SCAPER: variants seen among roughly 807,000 people sequenced by gnomAD.
SCAPER encodes the protein S phase cyclin A-associated protein in the endoplasmic reticulum.
Under a neutral mutation model 182.2 loss-of-function variants are expected in SCAPER, and 98 were observed. The observed-to-expected ratio is 0.54, with a 90% confidence interval of 0.46 to 0.64. The LOEUF (loss-of-function observed/expected upper bound fraction) is 0.64. SCAPER is among the 30% of genes least tolerant of loss of function. The pLI is 0.00. For synonymous variants in SCAPER, 605 were observed against 564.6 expected, an observed-to-expected ratio of 1.07 and a Z score of -1.01; for missense variants, 1,432 against 1,690.0, an observed-to-expected ratio of 0.85 and a Z score of 2.68.
intron 23 of SCAPER, among the ~76,000 whole-genome samples, chr15:76,528,025 C>T (rs1158404420): frequency 1.3e-5 from 2 of 152,064 alleles, no homozygotes; most frequent in Non-Finnish European, 2.9e-5. Flanking sequence ...CTCTTTTTGC[C>T]TTTAAATCAG....
At chr15:76,739,975 T>C (rs982167925) in intron 15 of SCAPER, among the ~76,000 whole-genome samples, 1 of 152,198 alleles carries the variant, frequency 6.6e-6, no homozygotes, top group Admixed American at 6.5e-5. Flanking sequence ...GAGACCAGCC[T>C]GGGCAACATA....
chr15:76,352,486 CT>C (rs3033117), intron 30 of SCAPER, among the ~76,000 whole-genome samples: 107,440 of 137,900 alleles, frequency 0.78, 41,708 homozygotes, highest in East Asian at 0.99. Flanking sequence ...TTTGTATTTT[CT>C]TTTTTTTTTT....
chr15:76,667,451 T>C (rs1303272947), intron 20 of SCAPER, among the ~76,000 whole-genome samples: 1 of 151,940 alleles, frequency 6.6e-6, no homozygotes, highest in African/African-American at 2.4e-5. Context: ...GAAGTATTAC[T>C]CATACATAGA....
At chr15:76,466,708 G>A (rs555500358) in intron 25 of SCAPER, among the ~76,000 whole-genome samples, 33 of 150,524 alleles carry the variant, frequency 2.2e-4, no homozygotes, top group African/African-American at 6.1e-4. Context: ...GGCTTTTGTA[G>A]TATGGAAAAC....
chr15:76,725,682 A>C (rs985752174), intron 17 of SCAPER, among the ~76,000 whole-genome samples: 1 of 152,070 alleles, frequency 6.6e-6, no homozygotes, highest in African/African-American at 2.4e-5. Flanking sequence ...TGAGCCAAGA[A>C]ATACAGCCAT....
chr15:76,463,048 A>G (rs1029849393), intron 25 of SCAPER, among the ~76,000 whole-genome samples: 4 of 151,986 alleles, frequency 2.6e-5, no homozygotes, highest in Admixed American at 1.3e-4. Context: ...TACTATGAAG[A>G]CCTCCTCTCC....
chr15:76,419,691 G>T (rs2045895826), intron 26 of SCAPER, among the ~76,000 whole-genome samples: 1 of 152,020 alleles, frequency 6.6e-6, no homozygotes, highest in South Asian at 2.1e-4. Flanking sequence ...TTGCACTCCA[G>T]CCTGGGCAAC....
intron 15 of SCAPER, among the ~76,000 whole-genome samples, chr15:76,744,927 A>T (rs2061717754): frequency 6.6e-6 from 1 of 152,220 alleles, no homozygotes; most frequent in South Asian, 2.1e-4. Flanking sequence ...ATTAAAAAAA[A>T]TGTGGTACAT....
chr15:76,889,951 A>G (rs1386089255), intron 1 of SCAPER, among the ~76,000 whole-genome samples: 1 of 152,152 alleles, frequency 6.6e-6, no homozygotes, highest in South Asian at 2.1e-4. Flanking sequence ...TGTAAAAGAA[A>G]AGAAATCACA....
At chr15:76,637,544 A>T (rs941570516) in intron 21 of SCAPER, among the ~76,000 whole-genome samples, 15 of 149,502 alleles carry the variant, frequency 1.0e-4, no homozygotes, top group East Asian at 5.9e-4. Flanking sequence ...TACACACAAA[A>T]TTTTTTTTTT....
At chr15:76,479,745 C>T (rs933262824) in intron 24 of SCAPER, among the ~76,000 whole-genome samples, 2 of 152,090 alleles carry the variant, frequency 1.3e-5, no homozygotes, top group Non-Finnish European at 2.9e-5. Flanking sequence ...AGTTTATATT[C>T]TTGTGCAGTT....
intron 5 of SCAPER, among the ~76,000 whole-genome samples, chr15:76,818,602 G>T (rs1004949125): frequency 1.3e-5 from 2 of 150,882 alleles, no homozygotes; most frequent in African/African-American, 2.5e-5. Flanking sequence ...CAACAATAAG[G>T]GGGGTGGAGC....
At chr15:76,382,310 G>T (rs1870059257) in intron 27 of SCAPER, among the ~76,000 whole-genome samples, 1 of 151,916 alleles carries the variant, frequency 6.6e-6, no homozygotes, top group Non-Finnish European at 1.5e-5. Flanking sequence ...AAAGCAGCAG[G>T]GGTATGCTAA....
chr15:76,534,231 C>T (rs1477475136), intron 23 of SCAPER, among the ~76,000 whole-genome samples: 1 of 152,172 alleles, frequency 6.6e-6, no homozygotes, highest in Non-Finnish European at 1.5e-5. Flanking sequence ...TTACGACAAA[C>T]ATTGTGCTGA....
intron 23 of SCAPER, among the ~76,000 whole-genome samples, chr15:76,542,246 G>A (rs2044823979): frequency 6.6e-6 from 1 of 152,114 alleles, no homozygotes; most frequent in African/African-American, 2.4e-5. Flanking sequence ...ACTCTGGCTG[G>A]GGGCAGTGGC....
intron 8 of SCAPER, among the ~76,000 whole-genome samples, chr15:76,777,168 C>A (rs1281382577): frequency 2.0e-5 from 3 of 152,132 alleles, no homozygotes; most frequent in Non-Finnish European, 4.4e-5. Context: ...ATTCAAATTA[C>A]AGCAGATTCC....
At chr15:76,615,840 T>C (rs1393863006) in intron 22 of SCAPER, among the ~76,000 whole-genome samples, 2 of 141,000 alleles carry the variant, frequency 1.4e-5, no homozygotes, top group Admixed American at 1.4e-4. Context: ...AAAAAAAGAA[T>C]ATACAAATGT....
chr15:76,728,270 T>C (rs932203659), intron 17 of SCAPER, among the ~76,000 whole-genome samples: 4 of 151,848 alleles, frequency 2.6e-5, no homozygotes, highest in Non-Finnish European at 5.9e-5. Context: ...TAGACTTTCA[T>C]GTCTGACAGA....
chr15:76,679,641 T>C (rs2057573373), intron 20 of SCAPER, among the ~76,000 whole-genome samples: 1 of 152,206 alleles, frequency 6.6e-6, no homozygotes, highest in Non-Finnish European at 1.5e-5. Context: ...ATAAAGCTAA[T>C]GAAATACTGT....
Sources: allele counts gnomAD v4.1 joint callset (sites outside exome capture counted in the v4.1 genomes callset), GRCh38; gene constraint gnomAD v4.1.1; transcripts MANE v1.5; gene names NCBI Gene and HGNC (gene_info 2026-07-23, HGNC 2026-07-21).